NTRK3: variants seen among roughly 807,000 people sequenced by gnomAD.
NTRK3 encodes neurotrophic receptor tyrosine kinase 3, also known as NT-3 growth factor receptor.
Under a neutral mutation model 91.7 loss-of-function variants are expected in NTRK3, and 24 were observed. The observed-to-expected ratio is 0.26, with a 90% CI of 0.19 to 0.37. The LOEUF is 0.37. Ranked by LOEUF, NTRK3 falls within the 10% of genes least tolerant of loss-of-function variation. The probability of loss-of-function intolerance (pLI) is 1.00; values close to 1 mark genes in which losing one functional copy is unlikely to be tolerated. For missense variants in NTRK3, 880 were observed against 1,068.9 expected (o/e 0.82, Z 2.46); for synonymous variants, 483 against 404.0 (o/e 1.20, Z -2.34).
intron 17 of NTRK3, among the ~76,000 whole-genome samples, chr15:87,914,144 T>C (rs2067284592): frequency 6.6e-6 from 1 of 152,218 alleles, no homozygotes; most frequent in Non-Finnish European, 1.5e-5. Context: ...TTTAAGCAAC[T>C]TTCACATTAT....
At chr15:88,047,123 C>A (rs562144327) in intron 13 of NTRK3, among the ~76,000 whole-genome samples, 1 of 152,258 alleles carries the variant, frequency 6.6e-6, no homozygotes, top group African/African-American at 2.4e-5. Flanking sequence ...CACCAGCAGA[C>A]CCTCATAAAC....
chr15:88,045,836 G>A (rs141078020), intron 13 of NTRK3, among the ~76,000 whole-genome samples: 283 of 152,352 alleles, frequency 1.9e-3, no homozygotes, highest in Admixed American at 2.7e-3. Flanking sequence ...CTTTGTGTGT[G>A]TCCATTTCTG....
intron 13 of NTRK3, among the ~76,000 whole-genome samples, chr15:88,119,071 A>C (rs945786137): frequency 6.6e-6 from 1 of 152,234 alleles, no homozygotes; most frequent in Non-Finnish European, 1.5e-5. Context: ...AGGAGAGTCG[A>C]TGCAAGGGAA....
intron 13 of NTRK3, among the ~76,000 whole-genome samples, chr15:88,099,616 C>A (rs974793346): frequency 5.9e-5 from 9 of 152,142 alleles, no homozygotes; most frequent in Admixed American, 2.6e-4. Flanking sequence ...GCATCGGGAG[C>A]TAAGAGCCTG....
At chr15:88,154,424 C>T (rs995242398) in intron 5 of NTRK3, among the ~76,000 whole-genome samples, 2 of 152,262 alleles carry the variant, frequency 1.3e-5, no homozygotes, top group Non-Finnish European at 2.9e-5. Flanking sequence ...GACAAGGAAG[C>T]AACTGCTGCC....
chr15:87,921,224 A>G lies in NTRK3; in HGVS notation c.2133+7967T>C, dbSNP rs576498261. Among the ~76,000 whole-genome samples, 38 of 152,308 alleles carry G rather than the reference A, an allele frequency of 2.5e-4. 1 individual carries two copies. The South Asian group carries it at 7.9e-3, about 32-fold the overall frequency. On this transcript the variant is annotated intron_variant, in intron 17 of 18. Transcript: ENST00000394480. ...TAAATAGGACGATGGTTAAAGAATG[A>G]TTACGATATTTCAAAAACAGCAAAG...
At chr15:88,016,461 A>G (rs2077240750) in intron 14 of NTRK3, among the ~76,000 whole-genome samples, 1 of 152,208 alleles carries the variant, frequency 6.6e-6, no homozygotes, top group South Asian at 2.1e-4. Flanking sequence ...GGACCGTAAG[A>G]GTTGCAGCTA....
chr15:88,181,490 A>G lies in NTRK3; in HGVS notation c.395+1928T>C, dbSNP rs1376183449. Among the ~76,000 whole-genome samples the G allele has an allele frequency of 2.6e-5, 4 of 152,170 alleles. No homozygotes were observed. The East Asian group carries it at 7.7e-4, about 29-fold the overall frequency. ...TGAGCCTGGGTCCTGAAGCCTCTCC[A>G]TCTCCCTAAGAGCTGCAGGGACACC... On this transcript the variant is annotated intron_variant, in intron 5 of 18. Transcript: ENST00000394480.
chr15:88,041,164 A>G (rs2079569192), intron 13 of NTRK3, among the ~76,000 whole-genome samples: 1 of 152,216 alleles, frequency 6.6e-6, no homozygotes, highest in Non-Finnish European at 1.5e-5. Flanking sequence ...CAGTGCATCT[A>G]GGGATGGACT....
intron 14 of NTRK3, among the ~76,000 whole-genome samples, chr15:88,002,815 T>C (rs1045155969): frequency 6.6e-6 from 1 of 150,750 alleles, no homozygotes; most frequent in Non-Finnish European, 1.5e-5. Context: ...TCTCAGCCTA[T>C]CACAACTACG....
intron 5 of NTRK3, among the ~76,000 whole-genome samples, chr15:88,153,424 A>G (rs190685599): frequency 1.6e-3 from 238 of 152,036 alleles, no homozygotes; most frequent in Non-Finnish European, 6.0e-4. Flanking sequence ...TTGTATTTTT[A>G]GTAGACACTA....
intron 14 of NTRK3, among the ~76,000 whole-genome samples, chr15:87,976,429 A>G (rs1567173209): frequency 6.6e-6 from 1 of 152,152 alleles, no homozygotes. Flanking sequence ...TACTTGTCTC[A>G]TCTCTACTGC....
Position 87,868,716 on chromosome 15 carries a change from T to C in NTRK3, c.*8219A>G, listed in dbSNP as rs539690230. The C allele has an allele frequency of 2.3e-5, 5 of 220,624 alleles. No individual in the cohort carries two copies. In the South Asian group the frequency reaches 9.2e-4, roughly 41 times the overall value. 13.7% of individuals were successfully genotyped at this position (220,624 alleles called of 1,614,324 possible). A position where few individuals can be genotyped will look rare whatever the true frequency, so the allele number is the denominator to read the frequency against. On this transcript the variant is annotated 3_prime_UTR_variant, in exon 19 of 19. Coordinates refer to ENST00000394480, the Ensembl canonical transcript of NTRK3. ...GCTTTGAGGTTCTATGTGGCTGTTG[T>C]GCCACAATGTGGAATTATAGAGTGA... is the stretch of plus-strand genomic sequence containing the variant.
intron 14 of NTRK3, among the ~76,000 whole-genome samples, chr15:88,027,284 A>G (rs2078115113): frequency 6.6e-6 from 1 of 152,212 alleles, no homozygotes; most frequent in Non-Finnish European, 1.5e-5. Flanking sequence ...CTAGTTAAAG[A>G]TCGCATAAGA....
chr15:88,126,203 G>T, intron 13 of NTRK3, 68 bp downstream of exon 13: 1 of 1,185,278 alleles, frequency 8.4e-7, no homozygotes, highest in Non-Finnish European at 1.3e-6. Flanking sequence ...GATTAAAACA[G>T]TATCTTTTGA....
At chr15:88,231,521 TGA>T (rs1440329071) in intron 3 of NTRK3, among the ~76,000 whole-genome samples, 2 of 151,976 alleles carry the variant, frequency 1.3e-5, no homozygotes, top group Admixed American at 1.3e-4. Context: ...GTCTACACAC[TGA>T]GTCTATGCAA....
chr15:88,059,757 A>G (rs1275007856), intron 13 of NTRK3, among the ~76,000 whole-genome samples: 1 of 152,214 alleles, frequency 6.6e-6, no homozygotes, highest in Non-Finnish European at 1.5e-5. Flanking sequence ...TGTTAATGTT[A>G]TAACACCCAG....
intron 13 of NTRK3, among the ~76,000 whole-genome samples, chr15:88,083,657 C>G (rs752443115): frequency 6.6e-6 from 1 of 152,206 alleles, no homozygotes. Flanking sequence ...GTCATTGTGG[C>G]TCACATCAAT....
intron 17 of NTRK3, among the ~76,000 whole-genome samples, chr15:87,885,154 A>G (rs1446598040): frequency 1.3e-5 from 2 of 152,046 alleles, no homozygotes; most frequent in East Asian, 3.9e-4. Flanking sequence ...AAATAAGATT[A>G]TTTGTACAAT....
Sources: allele counts gnomAD v4.1 joint callset (sites outside exome capture counted in the v4.1 genomes callset), GRCh38; gene constraint gnomAD v4.1.1; transcripts MANE v1.5; gene names NCBI Gene and HGNC (gene_info 2026-07-23, HGNC 2026-07-21).